PARP11: variants seen among roughly 807,000 people sequenced by gnomAD.
PARP11 encodes the protein poly(ADP-ribose) polymerase family member 11.
Under a neutral mutation model 42.9 loss-of-function variants are expected in PARP11, and 31 were observed. The ratio of observed to expected loss-of-function variants is 0.72; its 90% CI spans 0.54 to 0.98. PARP11 has a LOEUF of 0.98. Among genes scored for constraint, PARP11 ranks in the 50% least tolerant of loss-of-function variants. The pLI, the probability that PARP11 is intolerant of heterozygous loss-of-function variation, is 0.00. For missense variants in PARP11, 365 were observed against 413.1 expected (o/e 0.88, Z 1.01); for synonymous variants, 137 against 127.3 (o/e 1.08, Z -0.51).
intron 1 of PARP11, among the ~76,000 whole-genome samples, chr12:3,870,146 T>A (rs1243269849): frequency 6.6e-6 from 1 of 152,198 alleles, no homozygotes; most frequent in East Asian, 1.9e-4. Context: ...TTGTGGTAAG[T>A]GAAACCAGGA....
chr12:3,824,428 G>C (rs187764345), intron 4 of PARP11, among the ~76,000 whole-genome samples: 14 of 152,220 alleles, frequency 9.2e-5, no homozygotes, highest in Admixed American at 8.5e-4. Flanking sequence ...AATTTTTTTA[G>C]TTTTTATGTA....
chr12:3,816,322 G>T (rs772093185), intron 6 of PARP11, among the ~76,000 whole-genome samples: 2 of 152,146 alleles, frequency 1.3e-5, no homozygotes, highest in Admixed American at 1.3e-4. Context: ...TCCCTCACAA[G>T]TGTGATAAGC....
At chr12:3,862,329 T>C (rs1948307996) in intron 1 of PARP11, among the ~76,000 whole-genome samples, 1 of 152,092 alleles carries the variant, frequency 6.6e-6, no homozygotes. Context: ...AGCATGCACC[T>C]GTAGTCCCAG....
chr12:3,816,793 T>G (rs949636489), intron 6 of PARP11, among the ~76,000 whole-genome samples: 1 of 152,280 alleles, frequency 6.6e-6, no homozygotes, highest in African/African-American at 2.4e-5. Context: ...TCCCAGCTAC[T>G]TGGGAGGCTG....
chr12:3,839,702 A>T, intron 1 of PARP11: 2 of 1,033,358 alleles, frequency 1.9e-6, no homozygotes, highest in Non-Finnish European at 3.1e-6. Flanking sequence ...ACTGAAAATA[A>T]TTTTCCTGAA....
In PARP11 at chr12:3,830,001, T is replaced by C. The variant is rs756982225; in HGVS notation, c.36A>G (p.Ala12=). Residue 12 remains alanine (A), a synonymous_variant, in exon 2 of 8, where the codon GCA becomes GCG. Transcript: ENST00000228820. ...TTGTTGTTTTAGAAAATAATTCTTCTGCTTTGTGAAACATCTCCTGAAAAG... is the reference window on the plus strand; with the variant it reads ...TTGTTGTTTTAGAAAATAATTCTTCCGCTTTGTGAAACATCTCCTGAAAAG... ...WEANPEMFHK[A]EELFSKTTNN... 6.2e-7 allele frequency: 1 copy of C among 1,613,768 alleles called. No homozygotes were observed. The highest frequency in any genetic ancestry group is 8.5e-7 in the Non-Finnish European group (1 of 1,179,672).
At chr12:3,844,982 A>G (rs1947971174) in intron 1 of PARP11, among the ~76,000 whole-genome samples, 1 of 152,194 alleles carries the variant, frequency 6.6e-6, no homozygotes, top group Admixed American at 6.5e-5. Context: ...TCTTTATAAG[A>G]GAATAGAGGC....
In PARP11 at chr12:3,824,649, G is replaced by A. The variant is rs1270124486; in HGVS notation, c.344+1509C>T. ...CCATTCTGCTTAGTTCTCTCCTTGT[G>A]CTGTCTTTGTTCTATGGTTTGTACA... On this transcript the variant is annotated intron_variant, in intron 4 of 7. Transcript: ENST00000228820. 45 of 983,502 alleles carry A rather than the reference G, an allele frequency of 4.6e-5. No individual in the cohort carries two copies. In the Admixed American group the frequency reaches 2.8e-3, roughly 61 times the overall value. The allele number at this position is 983,502 out of a possible 1,614,324, so 60.9% of individuals were successfully genotyped here. A position where few individuals can be genotyped will look rare whatever the true frequency, so the allele number is the denominator to read the frequency against.
intron 1 of PARP11, among the ~76,000 whole-genome samples, chr12:3,848,917 CATA>C (rs993678832): frequency 4.1e-5 from 6 of 147,790 alleles, no homozygotes; most frequent in South Asian, 2.1e-4. Context: ...ACAATGGATT[CATA>C]ATAATAATAT....
intron 6 of PARP11, among the ~76,000 whole-genome samples, chr12:3,821,153 G>C (rs1225270745): frequency 6.6e-6 from 1 of 152,100 alleles, no homozygotes; most frequent in Non-Finnish European, 1.5e-5. Flanking sequence ...GTGTTTATTT[G>C]CAATTTCTCT....
At chr12:3,832,756 C>T (rs768528672) in intron 1 of PARP11, among the ~76,000 whole-genome samples, 4 of 152,128 alleles carry the variant, frequency 2.6e-5, no homozygotes, top group Admixed American at 6.5e-5. Context: ...CACCAGTTAT[C>T]GGTTATGAAG....
At chr12:3,838,148 G>T (rs996436525) in intron 1 of PARP11, among the ~76,000 whole-genome samples, 4 of 149,956 alleles carry the variant, frequency 2.7e-5, no homozygotes, top group Non-Finnish European at 5.9e-5. Flanking sequence ...AATTGCTGGA[G>T]AATACACATT....
In PARP11 at chr12:3,829,906, T is replaced by C. The variant is rs780692222; in HGVS notation, c.131A>G (p.Lys44Arg). Residue 44 changes from lysine (K) to arginine (R), a missense_variant, in exon 2 of 8, where the codon AAG (lysine) becomes AGG (arginine). Coordinates refer to ENST00000228820, the MANE Select transcript of PARP11 (RefSeq NM_020367.6). ...AGGAGGTACCTGAAACATGTGCCAC[T>C]TCCCACATTCTGCCAAGTAAAACCA... Reference protein sequence around the residue: ...WGWFYLAECGKWHMFQPDTNS... With the variant: ...WGWFYLAECGRWHMFQPDTNS... The C allele has an allele frequency of 6.2e-7, 1 of 1,614,032 alleles. No individual in the cohort carries two copies. Among genetic ancestry groups the C allele is most frequent in the Admixed American group, 1.7e-5 (1 of 60,024 alleles).
At chr12:3,835,205 C>T (rs1947732656) in intron 1 of PARP11, among the ~76,000 whole-genome samples, 1 of 152,136 alleles carries the variant, frequency 6.6e-6, no homozygotes, top group Non-Finnish European at 1.5e-5. Context: ...TAAAAATCTA[C>T]CTACCTCAGG....
At position 3,834,963 on chromosome 12, in the gene PARP11, C is replaced by T. The variant is rs147770374; in HGVS notation, c.19-4945G>A. Among the ~76,000 whole-genome samples, 21 of 152,230 alleles carry T rather than the reference C, an allele frequency of 1.4e-4. No homozygotes were observed. In the East Asian group the frequency reaches 3.1e-3, roughly 22 times the overall value. ...AATCACCACCTCTGGCCAAACACGACGTAACAGAAGCTACTCTGACCCAGG... is the reference window on the plus strand; with the variant it reads ...AATCACCACCTCTGGCCAAACACGATGTAACAGAAGCTACTCTGACCCAGG... On this transcript the variant is annotated intron_variant, in intron 1 of 7. Transcript: ENST00000228820.
intron 1 of PARP11, among the ~76,000 whole-genome samples, chr12:3,867,205 T>A (rs1007759677): frequency 1.1e-4 from 16 of 152,216 alleles, no homozygotes; most frequent in Non-Finnish European, 2.2e-4. Flanking sequence ...ATTCTTTATA[T>A]GAAACAGGAG....
At chr12:3,853,387 C>T (rs1036680461) in intron 1 of PARP11, among the ~76,000 whole-genome samples, 2 of 152,098 alleles carry the variant, frequency 1.3e-5, no homozygotes, top group African/African-American at 2.4e-5. Context: ...ATTCAGGAGA[C>T]CCATCTCACG....
chr12:3,868,029 T>C (rs1948419969), intron 1 of PARP11, among the ~76,000 whole-genome samples: 1 of 152,150 alleles, frequency 6.6e-6, no homozygotes, highest in South Asian at 2.1e-4. Flanking sequence ...CCTAATTTAG[T>C]AGACATACAG....
At chr12:3,843,034 T>G (rs142470434) in intron 1 of PARP11, among the ~76,000 whole-genome samples, 1,631 of 152,312 alleles carry the variant, frequency 0.011, 27 homozygotes, top group Non-Finnish European at 0.011. Context: ...ACTGTTGTCT[T>G]TTAAAATGCT....
Sources: gnomAD v4.1 joint callset for allele counts (sites outside exome capture counted in the v4.1 genomes callset) on GRCh38, gnomAD v4.1.1 for gene constraint, MANE v1.5 for transcripts, NCBI Gene and HGNC (gene_info 2026-07-23, HGNC 2026-07-21) for gene names.